Variants in TRAP1 observed in about 807,000 individuals in gnomAD.
TRAP1 encodes the protein heat shock protein 75 kDa, mitochondrial.
In TRAP1, 102 loss-of-function variants were observed where a neutral mutation model predicts 89.1. The ratio of observed to expected loss-of-function variants is 1.15; its 90% CI spans 0.98 to 1.35. The LOEUF is 1.35. Ranked by LOEUF, TRAP1 falls within the 40% of genes most tolerant of loss-of-function variation. The pLI, the probability that TRAP1 is intolerant of heterozygous loss-of-function variation, is 0.00. For missense variants in TRAP1, 1,256 were observed against 945.3 expected, an observed-to-expected ratio of 1.33 and a Z score of -4.31; for synonymous variants, 508 against 388.0, an observed-to-expected ratio of 1.31 and a Z score of -3.64.
chr16:3,668,423 T>C (rs2050866842), intron 11 of TRAP1, among the ~76,000 whole-genome samples: 1 of 152,198 alleles, frequency 6.6e-6, no homozygotes, highest in East Asian at 1.9e-4. Flanking sequence ...ATGTGACATT[T>C]ACATAGCTTC....
chr16:3,668,063 G>C (rs998526025), intron 11 of TRAP1, among the ~76,000 whole-genome samples: 43 of 151,888 alleles, frequency 2.8e-4, no homozygotes, highest in African/African-American at 9.4e-4. Context: ...GAGTGGCTGG[G>C]ATTACACCTG....
intron 1 of TRAP1, among the ~76,000 whole-genome samples, chr16:3,713,795 C>T (rs1029382101): frequency 6.6e-6 from 1 of 152,252 alleles, no homozygotes; most frequent in African/African-American, 2.4e-5. Context: ...CATCCTTCTA[C>T]TGGCACATCT....
At chr16:3,681,970 C>T (rs2051078363) in intron 4 of TRAP1, among the ~76,000 whole-genome samples, 3 of 152,050 alleles carry the variant, frequency 2.0e-5, no homozygotes, top group Admixed American at 6.6e-5. Context: ...TATAAAGCTA[C>T]AATAATTAAG....
intron 4 of TRAP1, among the ~76,000 whole-genome samples, chr16:3,680,326 T>G (rs1014981850): frequency 1.3e-5 from 2 of 152,182 alleles, no homozygotes; most frequent in African/African-American, 2.4e-5. Context: ...AGAAAGTTGC[T>G]TTGTTTGTTA....
In TRAP1 at chr16:3,682,460, G is replaced by A. The variant is rs143889120; in HGVS notation, c.472-2670C>T. ...GCTGGAGTGCAGTGGTGTGATCTCC[G>A]CTCACTGCACCTTCCGCCTCCCGAG... On this transcript the variant is annotated intron_variant, in intron 4 of 17. Coordinates refer to ENST00000246957, the MANE Select transcript of TRAP1 (RefSeq NM_016292.3). 3.4e-3 allele frequency among the ~76,000 whole-genome samples: 517 copies of A among 151,452 alleles called. 2 individuals are homozygous for A. The highest frequency in any genetic ancestry group is 0.012 in the African/African-American group (496 of 41,226).
chr16:3,704,559 T>A (rs1009868822), intron 1 of TRAP1, among the ~76,000 whole-genome samples: 2 of 152,054 alleles, frequency 1.3e-5, no homozygotes, highest in Non-Finnish European at 1.5e-5. Context: ...TAAAATAAAT[T>A]TCCAGACCAG....
intron 1 of TRAP1, among the ~76,000 whole-genome samples, chr16:3,698,463 C>T (rs1328343281): frequency 4.0e-5 from 6 of 151,888 alleles, no homozygotes; most frequent in Non-Finnish European, 5.9e-5. Flanking sequence ...CCACCATGCC[C>T]GGCTAATTTT....
At chr16:3,694,576 G>C (rs1001529657) in intron 1 of TRAP1, among the ~76,000 whole-genome samples, 1 of 152,104 alleles carries the variant, frequency 6.6e-6, no homozygotes, top group Non-Finnish European at 1.5e-5. Context: ...GACCTCAAGT[G>C]ATCTGCCCAC....
chr16:3,692,965 T>C (rs575798812), intron 1 of TRAP1, among the ~76,000 whole-genome samples: 3 of 150,284 alleles, frequency 2.0e-5, no homozygotes, highest in South Asian at 4.2e-4. Context: ...CTTTTGTTTT[T>C]GTTTTTTTTT....
chr16:3,682,221 A>G (rs1567233957), intron 4 of TRAP1, among the ~76,000 whole-genome samples: 1 of 152,184 alleles, frequency 6.6e-6, no homozygotes, highest in East Asian at 1.9e-4. Flanking sequence ...TGGATCATAG[A>G]TCTAAATATA....
chr16:3,677,874 G>T, intron 5 of TRAP1: 1 of 557,246 alleles, frequency 1.8e-6, no homozygotes, highest in Non-Finnish European at 3.1e-6. Context: ...GGACAAGTGT[G>T]TTTTCCATTT....
rs2050823105 is a variant in TRAP1 at position 3,666,035 on chromosome 16, A to G, written c.1319T>C (p.Phe440Ser). The G allele has an allele frequency of 5.6e-6, 9 of 1,614,176 alleles. No individual in the cohort carries two copies. The highest frequency in any genetic ancestry group is 6.8e-6 in the Non-Finnish European group (8 of 1,180,016). ...CATGAACAGGCCGTAATCTTCAAAA[A>G]ACTTTGCATACTTCTCAGCATCTTT... ...SKKDAEKYAK[F>S]FEDYGLFMRE... Residue 440 changes from phenylalanine to serine, a missense_variant, in exon 12 of 18, where the codon TTT (phenylalanine) becomes TCT (serine). Coordinates refer to ENST00000246957, the MANE Select transcript of TRAP1 (RefSeq NM_016292.3).
intron 13 of TRAP1, chr16:3,664,062 CA>C (rs983493533): frequency 3.9e-5 from 21 of 541,852 alleles, no homozygotes; most frequent in African/African-American, 3.3e-4. Flanking sequence ...GACTCCATCT[CA>C]AAAAAACAAA....
chr16:3,674,506 G>T lies in TRAP1; in HGVS notation c.889-12C>A. 6.2e-7 allele frequency: 1 copy of T among 1,613,192 alleles called. No individual in the cohort carries two copies. Among genetic ancestry groups the T allele is most frequent in the Non-Finnish European group, 8.5e-7 (1 of 1,179,824 alleles). On this transcript the variant is annotated splice_polypyrimidine_tract_variant and intron_variant, in intron 8 of 17. Transcript: ENST00000246957. The stretch of plus-strand genomic sequence containing the variant: ...ATCATCCAGATGGCCTGGAAACGGA[G>T]ATCGGCGGGGAGGGCGTCGTGTTCA...
At chr16:3,687,308 C>T (rs1375587471) in intron 3 of TRAP1, 2 of 152,206 alleles carry the variant, frequency 1.3e-5, no homozygotes, top group African/African-American at 4.8e-5. Flanking sequence ...TCCTCCTTGC[C>T]TTCCACCATG....
intron 1 of TRAP1, among the ~76,000 whole-genome samples, chr16:3,710,221 T>C (rs1013575492): frequency 6.6e-6 from 1 of 152,220 alleles, no homozygotes; most frequent in African/African-American, 2.4e-5. Context: ...TGAGCTTTGC[T>C]CATGGAAGAC....
chr16:3,682,621 G>A (rs2051087311), intron 4 of TRAP1, among the ~76,000 whole-genome samples: 2 of 152,232 alleles, frequency 1.3e-5, no homozygotes, highest in African/African-American at 4.8e-5. Context: ...TTGAACTCCT[G>A]AGCTCAGACA....
chr16:3,661,838 G>T, intron 16 of TRAP1, 149 bp downstream of exon 16: 1 of 1,083,570 alleles, frequency 9.2e-7, no homozygotes, highest in Non-Finnish European at 1.2e-6. Flanking sequence ...CATGGGTGCA[G>T]CCTAAACTGC....
intron 13 of TRAP1, chr16:3,663,859 G>T: frequency 4.9e-6 from 2 of 412,180 alleles, no homozygotes; most frequent in East Asian, 9.3e-5. Flanking sequence ...AGATCATGAG[G>T]TCAGGAGTTC....
Sources: allele counts gnomAD v4.1 joint callset (sites outside exome capture counted in the v4.1 genomes callset), GRCh38; gene constraint gnomAD v4.1.1; transcripts MANE v1.5; gene names NCBI Gene and HGNC (gene_info 2026-07-23, HGNC 2026-07-21).